Variants in RBM12B observed in about 807,000 individuals in gnomAD.
The protein encoded by RBM12B is RNA-binding protein 12B.
RBM12B carries 10 observed loss-of-function variants against 34.3 expected under a neutral mutation model. That is an observed-to-expected ratio of 0.29 (90% confidence interval 0.18 to 0.49). The LOEUF is 0.49. RBM12B is among the 20% of genes least tolerant of loss of function. The probability of loss-of-function intolerance (pLI) is 0.99; values close to 1 mark genes in which losing one functional copy is unlikely to be tolerated. For synonymous variants in RBM12B, 477 were observed against 437.1 expected (o/e 1.09, Z -1.14); for missense variants, 1,139 against 1,262.7 (o/e 0.90, Z 1.48).
intron 1 of RBM12B, 53 bp from the exon 2 acceptor site, chr8:93,740,749 G>A (rs559840842): frequency 2.8e-6 from 1 of 354,622 alleles, no homozygotes; most frequent in East Asian, 7.4e-5. Flanking sequence ...GTGCCCTAAC[G>A]GCAGGAGCTA....
chr8:93,733,699 T>G lies in RBM12B; in HGVS notation c.2712A>C (p.Gly904=). The part of the protein sequence containing the change: ...GKFDFGKHNM[G]SFPEGRFMPD... ...GCATAAATCTCCCCTCAGGAAAACTTCCCATATTATGCTTTCCAAAATCAA... is the reference window on the plus strand; with the variant it reads ...GCATAAATCTCCCCTCAGGAAAACTGCCCATATTATGCTTTCCAAAATCAA... The change falls in exon 4 of 4, where the codon GGA becomes GGC. Residue 904 remains glycine (G), a synonymous_variant. Coordinates refer to ENST00000520560, the MANE Select transcript of RBM12B (RefSeq NM_001377960.1). 1 of 1,614,044 alleles carries G rather than the reference T, an allele frequency of 6.2e-7. No homozygotes were observed. Among genetic ancestry groups the G allele is most frequent in the South Asian group, 1.1e-5 (1 of 91,082 alleles).
In RBM12B at chr8:93,735,868, A is replaced by C; in HGVS notation, c.543T>G (p.Asp181Glu). 6.2e-7 allele frequency: 1 copy of C among 1,614,082 alleles called. No homozygotes were observed. The highest frequency in any genetic ancestry group is 8.5e-7 in the Non-Finnish European group (1 of 1,180,028). Reference sequence around the variant, plus strand: ...CATGATGTTTTAAGAAAATTACTCCATCCACGCACAAACCAGAGAAAAAGA... The same window carrying C: ...CATGATGTTTTAAGAAAATTACTCCCTCCACGCACAAACCAGAGAAAAAGA... The part of the protein sequence containing the change: ...VRVFFSGLCV[D>E]GVIFLKHHDG... Residue 181 changes from aspartate to glutamate, a missense_variant, in exon 4 of 4, where the codon GAT becomes GAG. Physicochemically the swap from Asp to Glu is conservative, Grantham distance 45 (BLOSUM62 2). Coordinates refer to ENST00000520560, the MANE Select transcript of RBM12B (RefSeq NM_001377960.1).
In RBM12B at chr8:93,735,600, T is replaced by G; in HGVS notation, c.811A>C (p.Lys271Gln). 1 of 1,614,172 alleles carries G rather than the reference T, an allele frequency of 6.2e-7. No individual in the cohort carries two copies. Among genetic ancestry groups the G allele is most frequent in the South Asian group, 1.1e-5 (1 of 91,078 alleles). ...DRHFRKRSHS[K>Q]SPRRTRSRSP... The stretch of plus-strand genomic sequence containing the variant: ...CGAGAACGTGTTCTTCTGGGAGATT[T>G]TGAATGAGACCGTTTTCGAAAATGT... Residue 271 changes from lysine to glutamine, a missense_variant, in exon 4 of 4, where the codon AAA (lysine) becomes CAA (glutamine). By Grantham distance (53) the Lys-to-Gln change is moderately conservative. This residue lies in a region of RBM12B where 863 missense variants were observed against 869.5 expected (regional missense o/e 0.99). Coordinates refer to ENST00000520560, the MANE Select transcript of RBM12B (RefSeq NM_001377960.1).
Position 93,731,073 on chromosome 8 carries a change from C to G in RBM12B, c.*2332G>C, listed in dbSNP as rs1811772955. 1 of 152,204 alleles carries G rather than the reference C, an allele frequency of 6.6e-6. No individual in the cohort carries two copies. The highest frequency in any genetic ancestry group is 1.5e-5 in the Non-Finnish European group (1 of 68,088). 9.4% of individuals were successfully genotyped at this position (152,204 alleles called of 1,614,324 possible). A position where few individuals can be genotyped will look rare whatever the true frequency, so the allele number is the denominator to read the frequency against. On this transcript the variant is annotated 3_prime_UTR_variant, in exon 4 of 4. Coordinates refer to ENST00000520560, the MANE Select transcript of RBM12B (RefSeq NM_001377960.1). ...CTCTCAGGAGGCTGAGGCAGGAAGACAGCTTGAGCCCAGGAGTTAGAAGCT... is the reference window on the plus strand; with the variant it reads ...CTCTCAGGAGGCTGAGGCAGGAAGAGAGCTTGAGCCCAGGAGTTAGAAGCT...
intron 2 of RBM12B, chr8:93,740,114 GA>G: frequency 2.8e-6 from 1 of 357,642 alleles, no homozygotes; most frequent in Non-Finnish European, 5.5e-6. Context: ...TTCCCCTGCA[GA>G]AAATAATCTA....
At position 93,736,446 on chromosome 8, in the gene RBM12B, C is replaced by T. The variant is rs534459806; in HGVS notation, c.-28-8G>A. The T allele has an allele frequency of 1.0e-4, 154 of 1,510,962 alleles. No individual in the cohort carries two copies. In the South Asian group the frequency reaches 1.3e-3, roughly 13 times the overall value. 93.6% of individuals were successfully genotyped at this position (1,510,962 alleles called of 1,614,324 possible). A position where few individuals can be genotyped will look rare whatever the true frequency, so the allele number is the denominator to read the frequency against. On this transcript the variant is annotated splice_polypyrimidine_tract_variant and splice_region_variant and intron_variant, in intron 3 of 3. Coordinates refer to ENST00000520560, the MANE Select transcript of RBM12B (RefSeq NM_001377960.1). ...AACCACAGCAATAATGACCTGCAGACAAAAAGGTACACATAATAGCAAGTC... is the reference window on the plus strand; with the variant it reads ...AACCACAGCAATAATGACCTGCAGATAAAAAGGTACACATAATAGCAAGTC...
Position 93,735,759 on chromosome 8 carries a change from T to A in RBM12B, c.652A>T (p.Met218Leu), listed in dbSNP as rs969117224. ...SGGLKCHRSF[M>L]GSRFIEVMQG... ...ATTACTTCTATAAATCTTGAACCCA[T>A]AAAACTTCTATGACATTTAAGACCT... The change falls in exon 4 of 4, where the codon ATG becomes TTG. Residue 218 changes from methionine to leucine, a missense_variant. Transcript: ENST00000520560. 5 of 1,614,120 alleles carry A rather than the reference T, an allele frequency of 3.1e-6. No individual in the cohort carries two copies. The highest frequency in any genetic ancestry group is 4.2e-6 in the Non-Finnish European group (5 of 1,180,024).
chr8:93,738,323 TA>T (rs1437958870), intron 2 of RBM12B, among the ~76,000 whole-genome samples: 6 of 152,244 alleles, frequency 3.9e-5, no homozygotes, highest in Non-Finnish European at 8.8e-5. Flanking sequence ...AATTAAAAAT[TA>T]ACTTGGAATA....
In RBM12B at chr8:93,734,736, G is replaced by A. The variant is rs1193417958; in HGVS notation, c.1675C>T (p.Arg559Ter). The A allele has an allele frequency of 2.5e-6, 4 of 1,614,092 alleles. No individual in the cohort carries two copies. Among genetic ancestry groups the A allele is most frequent in the Non-Finnish European group, 2.5e-6 (3 of 1,179,974 alleles). Reference protein sequence around the residue: ...QPDRHPPEDFRHSSEDFRFPP... With the variant: ...QPDRHPPEDF ...AACCTAAAGTCCTCTGAGGAGTGTC[G>A]GAAGTCTTCTGGAGGGTGCCTGTCA... The change falls in exon 4 of 4, where the codon CGA becomes TGA. Residue 559 changes from arginine to a stop codon, truncating the protein, a stop_gained. Transcript: ENST00000520560. LOFTEE classifies it low-confidence loss of function (END_TRUNC).
chr8:93,733,858 A>C lies in RBM12B; in HGVS notation c.2553T>G (p.Leu851=). The C allele has an allele frequency of 1.2e-6, 2 of 1,614,026 alleles. No homozygotes were observed. The highest frequency in any genetic ancestry group is 1.7e-6 in the Non-Finnish European group (2 of 1,179,986). ...TAGGGTCCTCCTCCGGAGCTTCCCT[A>C]AGGTCTTCCTCTGGGAGCTGCCTGA... ...EDFRQLPEED[L]REAPEEDPRL... The change falls in exon 4 of 4, where the codon CTT becomes CTG. Residue 851 remains leucine (L), a synonymous_variant. Coordinates refer to ENST00000520560, the MANE Select transcript of RBM12B (RefSeq NM_001377960.1).
rs1811735651 is a variant in RBM12B, at chr8:93,730,252, A to G, written c.*3153T>C. ...ATTTACTGCAAAAACAGAGGCAGCA[A>G]GGTCACTACTTAACAGGTGATATAT... On this transcript the variant is annotated 3_prime_UTR_variant, in exon 4 of 4. Coordinates refer to ENST00000520560, the MANE Select transcript of RBM12B (RefSeq NM_001377960.1). 6.6e-6 allele frequency: 1 copy of G among 152,234 alleles called. No individual in the cohort carries two copies. The highest frequency in any genetic ancestry group is 1.5e-5 in the Non-Finnish European group (1 of 68,034). The allele number at this position is 152,234 out of a possible 1,614,324, so 9.4% of individuals were successfully genotyped here. A position where few individuals can be genotyped will look rare whatever the true frequency, so the allele number is the denominator to read the frequency against.
intron 2 of RBM12B, among the ~76,000 whole-genome samples, chr8:93,738,681 G>A (rs1812098905): frequency 6.6e-6 from 1 of 152,104 alleles, no homozygotes; most frequent in South Asian, 2.1e-4. Flanking sequence ...CAGGCTGGTA[G>A]GGAACTCATG....
chr8:93,735,719 T>C lies in RBM12B; in HGVS notation c.692A>G (p.Gln231Arg). The C allele has an allele frequency of 6.2e-7, 1 of 1,614,194 alleles. No homozygotes were observed. The highest frequency in any genetic ancestry group is 8.5e-7 in the Non-Finnish European group (1 of 1,180,036). ...ATTACCACCAAACTCAATCCACTGT[T>C]GTTCTGATCCTTGCATTACTTCTAT... ...RFIEVMQGSEQQWIEFGGNAV... is the reference protein window; with the variant it reads ...RFIEVMQGSERQWIEFGGNAV... The change falls in exon 4 of 4, where the codon CAA becomes CGA. Residue 231 changes from glutamine to arginine, a missense_variant. Transcript: ENST00000520560.
At position 93,729,099 on chromosome 8, in the gene RBM12B, G is replaced by A. The variant is rs536960248; in HGVS notation, c.*4306C>T. On this transcript the variant is annotated 3_prime_UTR_variant, in exon 4 of 4. Coordinates refer to ENST00000520560, the MANE Select transcript of RBM12B (RefSeq NM_001377960.1). ...AAAATATAAAACATTGAGCCTTTCA[G>A]TGTATCTGATGCTTCTCTTTTGGTA... 20 of 152,198 alleles carry A rather than the reference G, an allele frequency of 1.3e-4. No homozygotes were observed. Among genetic ancestry groups the A allele is most frequent in the African/African-American group, 4.8e-4 (20 of 41,550 alleles). 9.4% of individuals were successfully genotyped at this position (152,198 alleles called of 1,614,324 possible).
chr8:93,739,616 A>C (rs1812130635), intron 2 of RBM12B, among the ~76,000 whole-genome samples: 1 of 152,196 alleles, frequency 6.6e-6, no homozygotes, highest in South Asian at 2.1e-4. Context: ...AACTCTTAAC[A>C]CACTAAATTA....
rs1249500010 is a variant in RBM12B, at chr8:93,736,167, T to G, written c.244A>C (p.Thr82Pro). Residue 82 changes from threonine (T) to proline (P), a missense_variant, in exon 4 of 4, where the codon ACT becomes CCT. Thr to Pro is a conservative substitution (Grantham distance 38). This residue lies in a region of RBM12B where 216 missense variants were observed against 292.2 expected (regional missense o/e 0.74). Transcript: ENST00000520560. ...FLSSKAEMQK[T>P]IEMKRTDRVG... ...CGATCAGTTCTTTTCATTTCTATAG[T>G]CTTCTGCATTTCTGCCTTGCTACTA... is the stretch of plus-strand genomic sequence containing the variant. 2 of 1,614,104 alleles carry G rather than the reference T, an allele frequency of 1.2e-6. No homozygotes were observed. The highest frequency in any genetic ancestry group is 1.7e-6 in the Non-Finnish European group (2 of 1,180,042).
chr8:93,738,721 C>T (rs761441592), intron 2 of RBM12B, among the ~76,000 whole-genome samples: 14 of 152,174 alleles, frequency 9.2e-5, no homozygotes, highest in South Asian at 2.1e-4. Context: ...CCTCAGCCTC[C>T]CACAGTGCTA....
In RBM12B at chr8:93,734,318, T is replaced by C. The variant is rs1398667234; in HGVS notation, c.2093A>G (p.Asp698Gly). ...ATCCTCCTCTGGGGGCCGCCTGAAG[T>C]CATCCTCGGGTGGTCGCCTCCATTC... ...QGEWRRPPED[D>G]FRRPPEEDFR... Residue 698 changes from aspartate (D) to glycine (G), a missense_variant, in exon 4 of 4, where the codon GAC becomes GGC. Asp to Gly is a moderately conservative substitution (Grantham distance 94). Around this residue, in one of 3 missense-constraint regions of RBM12B, gnomAD observed 863 missense variants for 869.5 expected, o/e 0.99. Transcript: ENST00000520560. The C allele has an allele frequency of 6.2e-7, 1 of 1,613,654 alleles. No individual in the cohort carries two copies. Among genetic ancestry groups the C allele is most frequent in the East Asian group, 2.2e-5 (1 of 44,826 alleles).
At chr8:93,737,479 T>C (rs1486617653) in intron 2 of RBM12B, 124 bp from the exon 3 acceptor site, 2 of 152,138 alleles carry the variant, frequency 1.3e-5, no homozygotes, top group African/African-American at 4.8e-5. Context: ...GAACCACAAT[T>C]ACGGGTGTTA....
Sources: allele counts gnomAD v4.1 joint callset (sites outside exome capture counted in the v4.1 genomes callset), GRCh38; gene constraint gnomAD v4.1.1; regional missense constraint gnomAD v4.1.1; transcripts MANE v1.5; gene names NCBI Gene and HGNC (gene_info 2026-07-23, HGNC 2026-07-21).